Variants in SLC41A2 observed in about 807,000 individuals in gnomAD.
SLC41A2 encodes the protein SLC41A1-like 1.
SLC41A2 carries 32 observed loss-of-function variants against 58.3 expected under a neutral mutation model. The ratio of observed to expected loss-of-function variants is 0.55; its 90% CI spans 0.41 to 0.74. SLC41A2 has a LOEUF of 0.74. Ranked by LOEUF, SLC41A2 falls within the 30% of genes least tolerant of loss-of-function variation. SLC41A2 has a pLI of 0.00. For synonymous variants in SLC41A2, 190 were observed against 235.0 expected (o/e 0.81, Z 1.75); for missense variants, 514 against 680.6 (o/e 0.76, Z 2.72).
intron 3 of SLC41A2, among the ~76,000 whole-genome samples, chr12:104,904,935 G>T (rs540378399): frequency 6.6e-6 from 1 of 152,272 alleles, no homozygotes; most frequent in Non-Finnish European, 1.5e-5. Context: ...GGGGACCCAA[G>T]CGGGTTACCA....
At position 104,866,528 on chromosome 12, in the gene SLC41A2, G is replaced by T. The variant is rs192057692; in HGVS notation, c.1079C>A (p.Thr360Asn). ...GGCAGCTATTATAATCCAAATAGGG[G>T]TTAGAGCCAAGAAAAATACACCAAC... ...PLVGVFFLAL[T>N]PIWIIIAAKH... The change falls in exon 7 of 11, where the codon ACC (threonine) becomes AAC (asparagine). Residue 360 changes from threonine (T) to asparagine (N), a missense_variant. This residue lies in a region of SLC41A2 where 336 missense variants were observed against 430.0 expected (regional missense o/e 0.78). Transcript: ENST00000258538. The T allele has an allele frequency of 6.3e-5, 101 of 1,611,814 alleles. No homozygotes were observed. In the African/African-American group the frequency reaches 1.3e-3, roughly 20 times the overall value.
At chr12:104,909,866 A>T (rs1196668442) in intron 2 of SLC41A2, 104 bp from the exon 3 acceptor site, 1 of 705,996 alleles carries the variant, frequency 1.4e-6, no homozygotes. Flanking sequence ...CTTGGCATCT[A>T]CATTTTGAAT....
At chr12:104,842,765 A>G (rs956250561) in intron 10 of SLC41A2, among the ~76,000 whole-genome samples, 3 of 152,198 alleles carry the variant, frequency 2.0e-5, no homozygotes, top group Non-Finnish European at 4.4e-5. Flanking sequence ...GTTGAAATCT[A>G]TTTTTAATAA....
Position 104,802,404 on chromosome 12 carries a change from AG to A in SLC41A2, c.*2747del, listed in dbSNP as rs2040733569. 6.6e-6 allele frequency: 1 copy of A among 152,220 alleles called. No homozygotes were observed. The highest frequency in any genetic ancestry group is 6.5e-5 in the Admixed American group (1 of 15,274). 9.4% of individuals were successfully genotyped at this position (152,220 alleles called of 1,614,324 possible). ...GCATACTTACGTGAAGGCTTTCAAA[AG>A]GTCAGTAATAATTTAAAGGAATCTA... is the stretch of plus-strand genomic sequence containing the variant. On this transcript the variant is annotated 3_prime_UTR_variant, in exon 11 of 11. Coordinates refer to ENST00000258538, the MANE Select transcript of SLC41A2 (RefSeq NM_001352171.3).
chr12:104,954,886 T>C (rs2048093054), intron 1 of SLC41A2, among the ~76,000 whole-genome samples: 1 of 152,194 alleles, frequency 6.6e-6, no homozygotes, highest in East Asian at 1.9e-4. Flanking sequence ...AGAAAGATTC[T>C]TTTCTTGACG....
At chr12:104,916,845 ATGTTAGAC>A (rs1471654017) in intron 2 of SLC41A2, among the ~76,000 whole-genome samples, 1 of 152,066 alleles carries the variant, frequency 6.6e-6, no homozygotes, top group African/African-American at 2.4e-5. Context: ...AAAGACTTAA[ATGTTAGAC>A]CTAAAACCAT....
rs1339709552 is a variant in SLC41A2, at chr12:104,803,147, T to A, written c.*2005A>T. The A allele has an allele frequency of 1.3e-5, 2 of 152,190 alleles. No homozygotes were observed. Among genetic ancestry groups the A allele is most frequent in the Non-Finnish European group, 2.9e-5 (2 of 68,018 alleles). 9.4% of individuals were successfully genotyped at this position (152,190 alleles called of 1,614,324 possible). A position where few individuals can be genotyped will look rare whatever the true frequency, so the allele number is the denominator to read the frequency against. On this transcript the variant is annotated 3_prime_UTR_variant, in exon 11 of 11. Coordinates refer to ENST00000258538, the MANE Select transcript of SLC41A2 (RefSeq NM_001352171.3). The stretch of plus-strand genomic sequence containing the variant: ...AATGTAGCTTGCCCTGTATATTTTT[T>A]AAAAATCAAAATAGAAATCATTGGG...
chr12:104,940,093 A>C (rs944961013), intron 1 of SLC41A2, among the ~76,000 whole-genome samples: 18 of 151,676 alleles, frequency 1.2e-4, no homozygotes, highest in African/African-American at 4.4e-4. Flanking sequence ...GGCTCACCGC[A>C]ACCTCTGCCT....
chr12:104,827,201 T>A (rs1376774476), intron 10 of SLC41A2, among the ~76,000 whole-genome samples: 1 of 152,158 alleles, frequency 6.6e-6, no homozygotes, highest in Non-Finnish European at 1.5e-5. Context: ...GGACAGCTAA[T>A]CCCAAAGGAT....
chr12:104,889,697 G>A (rs890702795), intron 4 of SLC41A2, among the ~76,000 whole-genome samples: 4 of 152,142 alleles, frequency 2.6e-5, no homozygotes, highest in Non-Finnish European at 5.9e-5. Flanking sequence ...AGTGGTCAAC[G>A]TAGATTATTC....
chr12:104,805,380 C>T (rs2040856344), intron 10 of SLC41A2, 43 bp from the exon 11 acceptor site: 2 of 1,544,648 alleles, frequency 1.3e-6, no homozygotes, highest in East Asian at 4.6e-5. Flanking sequence ...CCTGGACATT[C>T]CTAGCCCATG....
chr12:104,894,319 C>T (rs964924117), intron 4 of SLC41A2, among the ~76,000 whole-genome samples: 1 of 150,542 alleles, frequency 6.6e-6, no homozygotes, highest in African/African-American at 2.5e-5. Context: ...CACTACTGCA[C>T]TCCACCCTGG....
At chr12:104,874,234 C>T (rs1338051922) in intron 6 of SLC41A2, among the ~76,000 whole-genome samples, 3 of 151,904 alleles carry the variant, frequency 2.0e-5, no homozygotes, top group East Asian at 1.9e-4. Flanking sequence ...CCACCCTGCC[C>T]GGGTAATTTT....
chr12:104,873,529 T>C (rs750796804), intron 6 of SLC41A2, among the ~76,000 whole-genome samples: 38 of 152,248 alleles, frequency 2.5e-4, no homozygotes, highest in Admixed American at 2.6e-4. Flanking sequence ...TTTCATTTCC[T>C]TTGGATACAT....
intron 8 of SLC41A2, among the ~76,000 whole-genome samples, chr12:104,848,232 C>T (rs2042679958): frequency 6.6e-6 from 1 of 152,082 alleles, no homozygotes; most frequent in South Asian, 2.1e-4. Flanking sequence ...ACCCATAGTT[C>T]AAAGAAGAAA....
At chr12:104,832,244 T>C (rs2042063364) in intron 10 of SLC41A2, among the ~76,000 whole-genome samples, 1 of 152,198 alleles carries the variant, frequency 6.6e-6, no homozygotes, top group Admixed American at 6.5e-5. Flanking sequence ...TCCTTTCCAT[T>C]CCTGTCTTTA....
intron 3 of SLC41A2, among the ~76,000 whole-genome samples, chr12:104,898,216 G>A (rs2045388776): frequency 6.6e-6 from 1 of 152,102 alleles, no homozygotes; most frequent in South Asian, 2.1e-4. Context: ...GTTATGTTTG[G>A]CCAACACAGT....
At chr12:104,932,763 A>G (rs367579989) in intron 1 of SLC41A2, among the ~76,000 whole-genome samples, 2 of 152,078 alleles carry the variant, frequency 1.3e-5, no homozygotes, top group South Asian at 2.1e-4. Flanking sequence ...CAAGAAGCAC[A>G]TAAAAACATA....
intron 1 of SLC41A2, among the ~76,000 whole-genome samples, chr12:104,947,950 G>T (rs2135970438): frequency 6.6e-6 from 1 of 152,316 alleles, no homozygotes; most frequent in East Asian, 1.9e-4. Context: ...CAGAACTCAT[G>T]AAAGCATTAG....
Sources: allele counts gnomAD v4.1 joint callset (sites outside exome capture counted in the v4.1 genomes callset), GRCh38; gene constraint gnomAD v4.1.1; regional missense constraint gnomAD v4.1.1; transcripts MANE v1.5; gene names NCBI Gene and HGNC (gene_info 2026-07-23, HGNC 2026-07-21).